BCL2: variants seen among roughly 807,000 people sequenced by gnomAD.
The protein encoded by BCL2 is apoptosis regulator Bcl-2.
A neutral mutation model predicts 14.2 loss-of-function variants in BCL2; 1 was observed. The ratio of observed to expected loss-of-function variants is 0.07; its 90% CI spans 0.02 to 0.33. BCL2 has a LOEUF of 0.33. Ranked by LOEUF, BCL2 falls within the 10% of genes least tolerant of loss-of-function variation. The pLI is 0.99. For missense variants in BCL2, 247 were observed against 305.9 expected, an observed-to-expected ratio of 0.81 and a Z score of 1.44; for synonymous variants, 151 against 137.2, an observed-to-expected ratio of 1.10 and a Z score of -0.70.
chr18:63,214,695 TTTTATTTA>T (rs200370819), intron 2 of BCL2, among the ~76,000 whole-genome samples: 6 of 151,786 alleles, frequency 4.0e-5, no homozygotes, highest in African/African-American at 7.3e-5. Flanking sequence ...TTCTTTTCTT[TTTTATTTA>T]TTTATTTATT....
intron 2 of BCL2, among the ~76,000 whole-genome samples, chr18:63,156,469 C>T (rs568927824): frequency 4.6e-5 from 7 of 152,242 alleles, no homozygotes; most frequent in Admixed American, 1.3e-4. Flanking sequence ...GTCTCCAGGC[C>T]GTGCCAAATG....
At chr18:63,247,194 A>G (rs979541599) in intron 2 of BCL2, among the ~76,000 whole-genome samples, 2 of 146,988 alleles carry the variant, frequency 1.4e-5, no homozygotes, top group African/African-American at 5.0e-5. Context: ...TTGAAGATGC[A>G]ACAGGATTTT....
intron 2 of BCL2, among the ~76,000 whole-genome samples, chr18:63,289,548 G>GAGGAAT (rs1350230432): frequency 6.6e-6 from 1 of 152,070 alleles, no homozygotes; most frequent in Non-Finnish European, 1.5e-5. Context: ...AAGATGGAGA[G>GAGGAAT]AGGAATTTGA....
intron 2 of BCL2, among the ~76,000 whole-genome samples, chr18:63,249,790 C>T (rs889966943): frequency 1.3e-5 from 2 of 150,700 alleles, no homozygotes; most frequent in Admixed American, 6.6e-5. Context: ...AAGGGACATG[C>T]CTAAGATGTC....
chr18:63,281,625 C>T (rs1912310746), intron 2 of BCL2, among the ~76,000 whole-genome samples: 1 of 147,888 alleles, frequency 6.8e-6, no homozygotes, highest in African/African-American at 2.5e-5. Flanking sequence ...CATGTTCATG[C>T]CACTGCACTT....
At chr18:63,175,934 C>G (rs550375392) in intron 2 of BCL2, among the ~76,000 whole-genome samples, 2 of 152,296 alleles carry the variant, frequency 1.3e-5, no homozygotes, top group Admixed American at 1.3e-4. Flanking sequence ...GGCACTCACA[C>G]TGGAGATGTG....
At chr18:63,135,386 A>C (rs1054696426) in intron 2 of BCL2, among the ~76,000 whole-genome samples, 1 of 152,230 alleles carries the variant, frequency 6.6e-6, no homozygotes, top group Admixed American at 6.5e-5. Flanking sequence ...GTGCTGCTGG[A>C]AATTCATGGT....
intron 2 of BCL2, among the ~76,000 whole-genome samples, chr18:63,279,591 T>C (rs1912251361): frequency 6.6e-6 from 1 of 152,250 alleles, no homozygotes; most frequent in Non-Finnish European, 1.5e-5. Context: ...AATTTCACTA[T>C]TTGGTGTGTT....
chr18:63,138,181 G>A (rs1180877935), intron 2 of BCL2, among the ~76,000 whole-genome samples: 1 of 152,256 alleles, frequency 6.6e-6, no homozygotes, highest in Non-Finnish European at 1.5e-5. Flanking sequence ...TTGGCTCAGA[G>A]CAAGAGGGGG....
chr18:63,312,998 G>T (rs568850308), intron 2 of BCL2, among the ~76,000 whole-genome samples: 15 of 152,166 alleles, frequency 9.9e-5, no homozygotes, highest in African/African-American at 3.6e-4. Context: ...CTACATTTTG[G>T]CCCTGTTTAA....
chr18:63,315,480 G>C (rs573570303), intron 2 of BCL2: 3 of 152,198 alleles, frequency 2.0e-5, no homozygotes, highest in Non-Finnish European at 4.4e-5. Context: ...AGCCTCACAA[G>C]GTTCCAATTT....
chr18:63,159,011 G>A (rs1914851496), intron 2 of BCL2, among the ~76,000 whole-genome samples: 1 of 152,184 alleles, frequency 6.6e-6, no homozygotes, highest in Non-Finnish European at 1.5e-5. Flanking sequence ...CTGACTAGAG[G>A]CAGGGCTGGG....
At chr18:63,188,264 T>C (rs1165188204) in intron 2 of BCL2, among the ~76,000 whole-genome samples, 1 of 152,250 alleles carries the variant, frequency 6.6e-6, no homozygotes, top group Non-Finnish European at 1.5e-5. Context: ...TCTTTGGCGT[T>C]AGACCTGAGT....
intron 2 of BCL2, chr18:63,317,871 G>C: frequency 7.1e-7 from 1 of 1,415,982 alleles, no homozygotes; most frequent in East Asian, 2.6e-5. Context: ...TAGCAAGCAA[G>C]TTAAAGACTT....
At chr18:63,238,836 T>A (rs1179115513) in intron 2 of BCL2, among the ~76,000 whole-genome samples, 2 of 152,338 alleles carry the variant, frequency 1.3e-5, no homozygotes, top group Non-Finnish European at 2.9e-5. Context: ...GATGAGCGTA[T>A]GGATTGTGTG....
At chr18:63,204,461 C>G (rs1176617742) in intron 2 of BCL2, among the ~76,000 whole-genome samples, 1 of 152,198 alleles carries the variant, frequency 6.6e-6, no homozygotes. Flanking sequence ...TTACTCAAGG[C>G]ACATATTCCA....
chr18:63,208,105 T>C (rs1049764891), intron 2 of BCL2: 5 of 152,350 alleles, frequency 3.3e-5, no homozygotes, highest in Admixed American at 2.0e-4. Flanking sequence ...GTTTTATTTG[T>C]GCAAGTTGAG....
In BCL2 at chr18:63,128,484, T is replaced by A; in HGVS notation, c.*141A>T. The A allele has an allele frequency of 1.7e-6, 1 of 597,494 alleles. No homozygotes were observed. The highest frequency in any genetic ancestry group is 3.1e-6 in the Non-Finnish European group (1 of 324,266). The allele number at this position is 597,494 out of a possible 1,614,324, so 37.0% of individuals were successfully genotyped here. A position where few individuals can be genotyped will look rare whatever the true frequency, so the allele number is the denominator to read the frequency against. ...ATTGTTGTGTGTGTGTGTGTCTGTCTGTGTGTGTGATGTTTATATGTGTGT... is the reference window on the plus strand; with the variant it reads ...ATTGTTGTGTGTGTGTGTGTCTGTCAGTGTGTGTGATGTTTATATGTGTGT... On this transcript the variant is annotated 3_prime_UTR_variant, in exon 3 of 3. Transcript: ENST00000333681.
At chr18:63,245,997 A>G (rs1465116169) in intron 2 of BCL2, among the ~76,000 whole-genome samples, 1 of 152,194 alleles carries the variant, frequency 6.6e-6, no homozygotes, top group East Asian at 1.9e-4. Flanking sequence ...TAATCTGTGA[A>G]AGGTATCCTT....
Sources: allele counts gnomAD v4.1 joint callset (sites outside exome capture counted in the v4.1 genomes callset), GRCh38; gene constraint gnomAD v4.1.1; transcripts MANE v1.5; gene names NCBI Gene and HGNC (gene_info 2026-07-23, HGNC 2026-07-21).